The following XPR1 variants were observed in gnomAD, a reference collection of about 807,000 sequenced individuals.
The protein encoded by XPR1 is xenotropic and polytropic retrovirus receptor 1, also known as solute carrier family 53 member 1.
Under a neutral mutation model 87.5 loss-of-function variants are expected in XPR1, and 28 were observed. The ratio of observed to expected loss-of-function variants is 0.32; its 90% CI spans 0.24 to 0.44. The LOEUF is 0.44. Ranked by LOEUF, XPR1 falls within the 20% of genes least tolerant of loss-of-function variation. The pLI, the probability that XPR1 is intolerant of heterozygous loss-of-function variation, is 1.00. For synonymous variants in XPR1, 300 were observed against 306.1 expected, an observed-to-expected ratio of 0.98 and a Z score of 0.21; for missense variants, 559 against 862.3, an observed-to-expected ratio of 0.65 and a Z score of 4.41.
chr1:180,663,239 A>G (rs76225386), intron 1 of XPR1, among the ~76,000 whole-genome samples: 2,096 of 152,270 alleles, frequency 0.014, 55 homozygotes, highest in African/African-American at 0.048. Context: ...AGTCTTTGCA[A>G]TCTGTGTTTG....
intron 2 of XPR1, 70 bp from the exon 3 acceptor site, chr1:180,787,683 T>C: frequency 9.2e-7 from 1 of 1,091,082 alleles, no homozygotes; most frequent in Non-Finnish European, 1.3e-6. Context: ...GTAATCTTAG[T>C]TTTTGTTTCC....
chr1:180,816,500 T>A (rs1406260639), intron 7 of XPR1, among the ~76,000 whole-genome samples: 1 of 152,208 alleles, frequency 6.6e-6, no homozygotes, highest in Non-Finnish European at 1.5e-5. Flanking sequence ...AATGCTTACA[T>A]ATGTCCACCA....
At chr1:180,677,593 A>G (rs1384100248) in intron 1 of XPR1, among the ~76,000 whole-genome samples, 3 of 152,184 alleles carry the variant, frequency 2.0e-5, no homozygotes, top group Admixed American at 2.0e-4. Flanking sequence ...TAGCGATGTT[A>G]TCCCCAAGAG....
chr1:180,691,173 T>C (rs893105417), intron 2 of XPR1, among the ~76,000 whole-genome samples: 1 of 152,150 alleles, frequency 6.6e-6, no homozygotes, highest in Non-Finnish European at 1.5e-5. Context: ...TGAGAAACTA[T>C]ATTTTATGAA....
chr1:180,728,300 G>GGA (rs1658428675), intron 2 of XPR1, among the ~76,000 whole-genome samples: 2 of 146,284 alleles, frequency 1.4e-5, no homozygotes, highest in African/African-American at 5.0e-5. Flanking sequence ...TTATAACTGG[G>GGA]GGGGGGGGTA....
chr1:180,641,778 G>A (rs1654969988), intron 1 of XPR1, among the ~76,000 whole-genome samples: 1 of 152,162 alleles, frequency 6.6e-6, no homozygotes, highest in African/African-American at 2.4e-5. Flanking sequence ...GAGCAGAGAT[G>A]CCAAGATACC....
chr1:180,742,075 A>G (rs1658939435), intron 2 of XPR1, among the ~76,000 whole-genome samples: 1 of 151,228 alleles, frequency 6.6e-6, no homozygotes, highest in Non-Finnish European at 1.5e-5. Flanking sequence ...GTTTTTTTTA[A>G]ATCAATTATA....
intron 2 of XPR1, among the ~76,000 whole-genome samples, chr1:180,683,493 G>T (rs1441579520): frequency 6.6e-6 from 1 of 152,134 alleles, no homozygotes; most frequent in Admixed American, 6.6e-5. Context: ...TAATGGGATG[G>T]CTGGGTCAAA....
intron 2 of XPR1, among the ~76,000 whole-genome samples, chr1:180,720,877 A>G (rs1341872131): frequency 6.6e-6 from 1 of 152,156 alleles, no homozygotes; most frequent in Admixed American, 6.5e-5. Flanking sequence ...ATATATCTCC[A>G]TATCAGTATG....
chr1:180,729,895 T>G (rs1268577613), intron 2 of XPR1, among the ~76,000 whole-genome samples: 3 of 152,226 alleles, frequency 2.0e-5, no homozygotes, highest in Non-Finnish European at 4.4e-5. Flanking sequence ...GCTCTTAGTT[T>G]AAGTCCCATT....
In XPR1 at chr1:180,740,530, A is replaced by G. The variant is rs527457313; in HGVS notation, c.122-47223A>G. Among the ~76,000 whole-genome samples, 7 of 151,958 alleles carry G rather than the reference A, an allele frequency of 4.6e-5. No homozygotes were observed. The South Asian group carries it at 1.2e-3, about 27-fold the overall frequency. On this transcript the variant is annotated intron_variant, in intron 2 of 14. Transcript: ENST00000367590. ...TACTCCCACTAGGTTGTGGTATGCT[A>G]TTCTTTTTACATATTGTTGGATTCA...
At chr1:180,795,328 A>G (rs942166407) in intron 3 of XPR1, among the ~76,000 whole-genome samples, 1 of 152,192 alleles carries the variant, frequency 6.6e-6, no homozygotes, top group African/African-American at 2.4e-5. Flanking sequence ...TGAGGGATAC[A>G]TAGGTGCTTT....
intron 7 of XPR1, among the ~76,000 whole-genome samples, chr1:180,814,572 T>G (rs920733211): frequency 6.6e-6 from 1 of 152,164 alleles, no homozygotes; most frequent in African/African-American, 2.4e-5. Flanking sequence ...CAGGGTTGTT[T>G]AGGGTTCATT....
chr1:180,677,056 G>A (rs1182993391), intron 1 of XPR1, among the ~76,000 whole-genome samples: 1 of 151,960 alleles, frequency 6.6e-6, no homozygotes, highest in Non-Finnish European at 1.5e-5. Flanking sequence ...ACATTAGCTG[G>A]GTGTCCAACA....
At chr1:180,681,199 A>T (rs768752552) in intron 1 of XPR1, among the ~76,000 whole-genome samples, 4 of 152,194 alleles carry the variant, frequency 2.6e-5, no homozygotes, top group Non-Finnish European at 5.9e-5. Context: ...AAATACCTAG[A>T]AGGAGGATAT....
chr1:180,642,166 C>T (rs12084365), intron 1 of XPR1, among the ~76,000 whole-genome samples: 2,144 of 152,074 alleles, frequency 0.014, 36 homozygotes, highest in African/African-American at 0.049. Context: ...GAGATAGGAC[C>T]GAGGAATTAT....
rs61531123 is a variant in XPR1 at position 180,841,372 on chromosome 1, A to AT, written c.1501+4668dup. Among the ~76,000 whole-genome samples, 585 of 144,984 alleles carry AT rather than the reference A, an allele frequency of 4.0e-3. 3 individuals are homozygous for AT. Among genetic ancestry groups the AT allele is most frequent in the African/African-American group, 8.9e-3 (354 of 39,872 alleles). On this transcript the variant is annotated intron_variant, in intron 11 of 14. Transcript: ENST00000367590. ...CTCAGTTCTATTCTTCAGCCTAGGG[A>AT]TTTTTTTTTTTTCCAGACAAAGCGA... is the stretch of plus-strand genomic sequence containing the variant.
intron 1 of XPR1, among the ~76,000 whole-genome samples, chr1:180,669,076 C>T (rs1420431289): frequency 2.1e-5 from 3 of 141,442 alleles, no homozygotes; most frequent in Non-Finnish European, 3.0e-5. Flanking sequence ...GCAACAAGAG[C>T]GAAACTCTGT....
chr1:180,665,278 C>T lies in XPR1; in HGVS notation c.70-17082C>T, dbSNP rs539937420. ...GCAAGAACAGCATGGGGAAAACCGC[C>T]GCCGTGATCCAAGTACCTCCACCTG... On this transcript the variant is annotated intron_variant, in intron 1 of 14. Coordinates refer to ENST00000367590, the MANE Select transcript of XPR1 (RefSeq NM_004736.4). 3.4e-4 allele frequency among the ~76,000 whole-genome samples: 52 copies of T among 152,282 alleles called. 1 individual carries two copies. In the South Asian group the frequency reaches 5.2e-3, roughly 15 times the overall value.
Sources: gnomAD v4.1 joint callset for allele counts (sites outside exome capture counted in the v4.1 genomes callset) on GRCh38, gnomAD v4.1.1 for gene constraint, MANE v1.5 for transcripts, NCBI Gene and HGNC (gene_info 2026-07-23, HGNC 2026-07-21) for gene names.